CUX2: variants seen among roughly 807,000 people sequenced by gnomAD.
The protein encoded by CUX2 is cut like homeobox 2.
In CUX2, 40 loss-of-function variants were observed where a neutral mutation model predicts 144.8. That is an observed-to-expected ratio of 0.28 (90% CI 0.21 to 0.36). CUX2 has a LOEUF of 0.36. Among genes scored for constraint, CUX2 ranks in the 10% least tolerant of loss-of-function variants. The pLI is 1.00. For synonymous variants in CUX2, 827 were observed against 875.6 expected (o/e 0.94, Z 0.98); for missense variants, 1,615 against 1,994.0 (o/e 0.81, Z 3.62).
chr12:111,137,014 T>G (rs191698488), intron 1 of CUX2, among the ~76,000 whole-genome samples: 95 of 152,136 alleles, frequency 6.2e-4, no homozygotes, highest in African/African-American at 2.3e-3. Flanking sequence ...CTTGGTTCAT[T>G]GCAACCTCTG....
chr12:111,101,579 A>G (rs895197199), intron 1 of CUX2, among the ~76,000 whole-genome samples: 2 of 152,170 alleles, frequency 1.3e-5, no homozygotes, highest in African/African-American at 4.8e-5. Context: ...GTCACATCTT[A>G]CAAAACAGAA....
At position 111,322,710 on chromosome 12, in the gene CUX2, C is replaced by T. The variant is rs560085226; in HGVS notation, c.2926+130C>T. 1.7e-5 allele frequency: 20 copies of T among 1,204,810 alleles called. No individual in the cohort carries two copies. The African/African-American group carries it at 2.1e-4, about 13-fold the overall frequency. 74.6% of individuals were successfully genotyped at this position (1,204,810 alleles called of 1,614,324 possible). A position where few individuals can be genotyped will look rare whatever the true frequency, so the allele number is the denominator to read the frequency against. ...CTGCTGCCCTGGCTTTCATCCCAGT[C>T]ACTGTCATGGCTGCACTGGAACATG... is the stretch of plus-strand genomic sequence containing the variant. On this transcript the variant is annotated intron_variant, in intron 18 of 21. Coordinates refer to ENST00000261726, the MANE Select transcript of CUX2 (RefSeq NM_015267.4). The surrounding 1 kb of genome is among the most constrained non-coding windows in gnomAD (Gnocchi z 4.2).
Position 111,310,204 on chromosome 12 carries a change from G to C in CUX2, c.1422G>C (p.Arg474=). 1 of 1,522,378 alleles carries C rather than the reference G, an allele frequency of 6.6e-7. No individual in the cohort carries two copies. Among genetic ancestry groups the C allele is most frequent in the African/African-American group, 1.4e-5 (1 of 71,944 alleles). 94.3% of individuals were successfully genotyped at this position (1,522,378 alleles called of 1,614,324 possible). A position where few individuals can be genotyped will look rare whatever the true frequency, so the allele number is the denominator to read the frequency against. ...CCAGCTTGGGGCCTGACGGCACTCG[G>C]ACTTTCTCGCTGTCCCCCTTCCCCA... ...LGPSLGPDGT[R]TFSLSPFPSL... The change falls in exon 15 of 22, where the codon CGG becomes CGC. Residue 474 remains arginine (R), a synonymous_variant. Transcript: ENST00000261726. This position sits in a 1 kb window ranked among gnomAD's most constrained non-coding sequence, Gnocchi z 7.9.
Position 111,347,677 on chromosome 12 carries a change from C to G in CUX2, c.3813C>G (p.Thr1271=). 6.2e-7 allele frequency: 1 copy of G among 1,613,866 alleles called. No individual in the cohort carries two copies. The highest frequency in any genetic ancestry group is 8.5e-7 in the Non-Finnish European group (1 of 1,179,948). The change falls in exon 22 of 22, where the codon ACC becomes ACG. Residue 1271 remains threonine (T), a synonymous_variant. Transcript: ENST00000261726. ...PDSETEDQKP[T]VKELELQEGP... ...CTGAGACTGAGGACCAGAAGCCAAC[C>G]GTGAAGGAACTGGAGCTTCAGGAGG...
At chr12:111,207,969 C>T (rs1326786192) in intron 1 of CUX2, among the ~76,000 whole-genome samples, 2 of 152,050 alleles carry the variant, frequency 1.3e-5, no homozygotes, top group South Asian at 2.1e-4. Context: ...TGTGGAACCA[C>T]GGAGTCAGAA....
chr12:111,079,551 T>G (rs1446788887), intron 1 of CUX2, among the ~76,000 whole-genome samples: 3 of 152,182 alleles, frequency 2.0e-5, no homozygotes, highest in African/African-American at 7.2e-5. Flanking sequence ...TCTTCCTCGT[T>G]GCTGTTGGTT....
chr12:111,126,168 A>G (rs1444821899), intron 1 of CUX2, among the ~76,000 whole-genome samples: 2 of 148,036 alleles, frequency 1.4e-5, no homozygotes, highest in African/African-American at 5.0e-5. Flanking sequence ...GAGTGCGGGG[A>G]CATAATCTTG....
intron 18 of CUX2, among the ~76,000 whole-genome samples, chr12:111,323,129 G>T (rs931173551): frequency 6.6e-6 from 1 of 152,206 alleles, no homozygotes; most frequent in Non-Finnish European, 1.5e-5. Flanking sequence ...CCACTGTGGG[G>T]ACCAGCGGAT....
intron 1 of CUX2, among the ~76,000 whole-genome samples, chr12:111,123,010 G>C (rs1413606410): frequency 6.6e-6 from 1 of 152,212 alleles, no homozygotes; most frequent in Non-Finnish European, 1.5e-5. Flanking sequence ...GGAAATGTTT[G>C]ATCGCCTCCT....
At chr12:111,095,707 T>C (rs984516385) in intron 1 of CUX2, among the ~76,000 whole-genome samples, 1 of 152,172 alleles carries the variant, frequency 6.6e-6, no homozygotes, top group African/African-American at 2.4e-5. Flanking sequence ...AAGGACTCAG[T>C]GTGTGAGTTA....
chr12:111,226,602 GA>G (rs1425071255), intron 3 of CUX2, among the ~76,000 whole-genome samples: 1 of 152,080 alleles, frequency 6.6e-6, no homozygotes, highest in Non-Finnish European at 1.5e-5. Context: ...GATATTGACT[GA>G]TTTTTTTAAT....
At chr12:111,286,208 G>A (rs943336360) in intron 4 of CUX2, among the ~76,000 whole-genome samples, 1 of 152,182 alleles carries the variant, frequency 6.6e-6, no homozygotes, top group African/African-American at 2.4e-5. Flanking sequence ...CCTTGTCTAG[G>A]GGTGATGAAA....
chr12:111,201,080 G>GCCGCC (rs1880555050), intron 1 of CUX2, among the ~76,000 whole-genome samples: 1 of 152,086 alleles, frequency 6.6e-6, no homozygotes, highest in South Asian at 2.1e-4. Context: ...GACCACCCTG[G>GCCGCC]CCGCCCCTCG....
At chr12:111,330,721 ATATATATATATATATATATATATATAT>A (rs1888072644) in intron 18 of CUX2, among the ~76,000 whole-genome samples, 2 of 54,832 alleles carry the variant, frequency 3.6e-5, no homozygotes, top group South Asian at 5.2e-4. Flanking sequence ...ATATATATAT[ATATATATATATATATATATATATATAT>A]ATAAAGAGAG....
chr12:111,293,145 A>T lies in CUX2; in HGVS notation c.437-301A>T, dbSNP rs1447978085. On this transcript the variant is annotated intron_variant, in intron 5 of 21. Coordinates refer to ENST00000261726, the MANE Select transcript of CUX2 (RefSeq NM_015267.4). The surrounding 1 kb of genome is among the most constrained non-coding windows in gnomAD (Gnocchi z 4.5). ...CTCCGTCTCAAAAAAAAAATAAAAA[A>T]TAAAAAAAGGTGAATTTTATGTGAC... Among the ~76,000 whole-genome samples, 4 of 152,218 alleles carry T rather than the reference A, an allele frequency of 2.6e-5. No individual in the cohort carries two copies. The highest frequency in any genetic ancestry group is 5.9e-5 in the Non-Finnish European group (4 of 68,038).
In CUX2 at chr12:111,042,246, G is replaced by A. The variant is rs143356776; in HGVS notation, c.63+8006G>A. 4.2e-3 allele frequency among the ~76,000 whole-genome samples: 636 copies of A among 152,262 alleles called. 4 individuals are homozygous for A. Among genetic ancestry groups the A allele is most frequent in the African/African-American group, 0.014 (598 of 41,552 alleles). On this transcript the variant is annotated intron_variant, in intron 1 of 21. Coordinates refer to ENST00000261726, the MANE Select transcript of CUX2 (RefSeq NM_015267.4). ...TTATGGTCGATTGACTTGCCCAGCC[G>A]CCGGTGTGGACTGTGGGTGTTGCGG...
chr12:111,285,384 G>A (rs953628697), intron 4 of CUX2, among the ~76,000 whole-genome samples: 3 of 152,150 alleles, frequency 2.0e-5, no homozygotes, highest in African/African-American at 2.4e-5. Flanking sequence ...AGGGGAAGGC[G>A]GGGCATCTTA....
intron 4 of CUX2, among the ~76,000 whole-genome samples, chr12:111,268,462 C>T (rs745709841): frequency 1.3e-5 from 2 of 152,220 alleles, no homozygotes; most frequent in Non-Finnish European, 2.9e-5. Flanking sequence ...TTGGGGCGGA[C>T]GTTCAGCCAG....
chr12:111,310,424 G>A lies in CUX2; in HGVS notation c.1642G>A (p.Ala548Thr), dbSNP rs748756216. 14 of 1,612,270 alleles carry A rather than the reference G, an allele frequency of 8.7e-6. No individual in the cohort carries two copies. In the South Asian group the frequency reaches 9.9e-5, roughly 11 times the overall value. ...GGGGGAAGPG[A>T]EEEQLDTAEI... Reference sequence around the variant, plus strand: ...TGGGGGCGGAGCGGCGGGGCCCGGGGCAGAGGAGGAGCAGCTGGACACGGC... The same window carrying A: ...TGGGGGCGGAGCGGCGGGGCCCGGGACAGAGGAGGAGCAGCTGGACACGGC... The change falls in exon 15 of 22, where the codon GCA becomes ACA. Residue 548 changes from alanine to threonine, a missense_variant. Transcript: ENST00000261726. The surrounding 1 kb of genome is among the most constrained non-coding windows in gnomAD (Gnocchi z 7.9).
Sources: allele counts gnomAD v4.1 joint callset (sites outside exome capture counted in the v4.1 genomes callset), GRCh38; gene constraint gnomAD v4.1.1; non-coding constraint Gnocchi (gnomAD v3.1); transcripts MANE v1.5; gene names NCBI Gene and HGNC (gene_info 2026-07-23, HGNC 2026-07-21).